The following CACNA2D1 variants were observed in gnomAD, a reference collection of about 807,000 sequenced individuals.
CACNA2D1 encodes the protein voltage-dependent calcium channel subunit alpha-2/delta-1.
In CACNA2D1, 53 loss-of-function variants were observed where a neutral mutation model predicts 171.5. The observed-to-expected ratio is 0.31, with a 90% confidence interval of 0.25 to 0.39. CACNA2D1 has a LOEUF of 0.39. CACNA2D1 is among the 10% of genes least tolerant of loss of function. The pLI, the probability that CACNA2D1 is intolerant of heterozygous loss-of-function variation, is 1.00. For synonymous variants in CACNA2D1, 442 were observed against 443.1 expected (o/e 1.00, Z 0.03); for missense variants, 903 against 1,299.8 (o/e 0.69, Z 4.69).
intron 1 of CACNA2D1, among the ~76,000 whole-genome samples, chr7:82,356,674 G>A (rs2129446710): frequency 6.6e-6 from 1 of 151,788 alleles, no homozygotes; most frequent in South Asian, 2.1e-4. Flanking sequence ...AAAAAAAATA[G>A]CTATCTTTAT....
At chr7:82,367,108 C>T (rs1346720999) in intron 1 of CACNA2D1, among the ~76,000 whole-genome samples, 1 of 151,628 alleles carries the variant, frequency 6.6e-6, no homozygotes, top group East Asian at 1.9e-4. Context: ...CAGGGCCTCA[C>T]CATGTTGCCC....
intron 2 of CACNA2D1, among the ~76,000 whole-genome samples, chr7:82,342,735 G>T (rs1162844536): frequency 6.6e-6 from 1 of 152,124 alleles, no homozygotes; most frequent in African/African-American, 2.4e-5. Context: ...CTACAGCCAC[G>T]TTTTGGAGGA....
At chr7:82,443,324 C>T (rs756984945) in intron 1 of CACNA2D1, 41 bp downstream of exon 1, 2 of 1,569,564 alleles carry the variant, frequency 1.3e-6, no homozygotes, top group Admixed American at 3.6e-5. Flanking sequence ...ACTCCCGCGG[C>T]GCCCCTCGGC....
chr7:82,428,935 T>C (rs1829433503), intron 1 of CACNA2D1, among the ~76,000 whole-genome samples: 1 of 152,180 alleles, frequency 6.6e-6, no homozygotes. Context: ...TAAGTATCTA[T>C]CAACTTAGCA....
At chr7:82,303,452 T>TAAAAA (rs573316819) in intron 3 of CACNA2D1, among the ~76,000 whole-genome samples, 1 of 122,378 alleles carries the variant, frequency 8.2e-6, no homozygotes, top group Non-Finnish European at 1.7e-5. Context: ...TGTATGTAAC[T>TAAAAA]AAAAAAAAAA....
rs184704938 is a variant in CACNA2D1, at chr7:82,258,856, G to A, written c.294+76279C>T. ...TTTTTTTTTGAGACAGTTTCGCTCCGTTGCACAGGCTGGAGTGAAGTGGCA... is the reference window on the plus strand; with the variant it reads ...TTTTTTTTTGAGACAGTTTCGCTCCATTGCACAGGCTGGAGTGAAGTGGCA... On this transcript the variant is annotated intron_variant, in intron 3 of 38. Transcript: ENST00000356860. 1.0e-3 allele frequency among the ~76,000 whole-genome samples: 94 copies of A among 89,776 alleles called. 1 individual carries two copies. The highest frequency in any genetic ancestry group is 3.5e-3 in the African/African-American group (82 of 23,304). The allele number at this position is 89,776 out of a possible 152,430, so 58.9% of individuals were successfully genotyped here.
intron 3 of CACNA2D1, among the ~76,000 whole-genome samples, chr7:82,284,243 T>A (rs1180352438): frequency 6.7e-6 from 1 of 149,710 alleles, no homozygotes; most frequent in East Asian, 2.0e-4. Flanking sequence ...AAAAGGTAAA[T>A]CTACACAAAT....
chr7:81,982,144 T>A (rs1796503292), intron 24 of CACNA2D1, among the ~76,000 whole-genome samples: 1 of 141,694 alleles, frequency 7.1e-6, no homozygotes, highest in South Asian at 2.3e-4. Context: ...ATTGCTTTTT[T>A]TTTTGAGATG....
At chr7:81,993,135 C>T (rs1349091994) in intron 20 of CACNA2D1, among the ~76,000 whole-genome samples, 4 of 152,070 alleles carry the variant, frequency 2.6e-5, no homozygotes, top group Admixed American at 1.3e-4. Flanking sequence ...TTATTCTATA[C>T]ACTTACAATT....
intron 10 of CACNA2D1, among the ~76,000 whole-genome samples, chr7:82,055,930 G>GTGTATATATATATATATATATATA (rs71093357): frequency 5.6e-4 from 62 of 111,438 alleles, no homozygotes; most frequent in East Asian, 2.8e-3. Context: ...GTGTGTGTGT[G>GTGTATATATATATATATATATATA]TATATATATA....
chr7:82,259,243 GA>G (rs1806763695), intron 3 of CACNA2D1, among the ~76,000 whole-genome samples: 1 of 152,088 alleles, frequency 6.6e-6, no homozygotes, highest in African/African-American at 2.4e-5. Flanking sequence ...CAGACAGACA[GA>G]CAGATATATA....
chr7:81,957,956 T>C (rs747398271), intron 38 of CACNA2D1, among the ~76,000 whole-genome samples: 1 of 152,124 alleles, frequency 6.6e-6, no homozygotes, highest in Non-Finnish European at 1.5e-5. Flanking sequence ...AAATAGTTGA[T>C]GAGCGAAGTT....
chr7:82,072,840 A>G (rs550151507), intron 7 of CACNA2D1, among the ~76,000 whole-genome samples: 1 of 152,278 alleles, frequency 6.6e-6, no homozygotes, highest in East Asian at 1.9e-4. Context: ...ATTACAGCTA[A>G]GACTTAATGA....
intron 4 of CACNA2D1, among the ~76,000 whole-genome samples, chr7:82,165,689 A>T (rs1584974300): frequency 6.6e-6 from 1 of 152,108 alleles, no homozygotes; most frequent in Non-Finnish European, 1.5e-5. Context: ...GCTTTGCATT[A>T]TGGCTTTTAA....
chr7:82,359,832 A>G (rs190759666), intron 1 of CACNA2D1, among the ~76,000 whole-genome samples: 1 of 152,304 alleles, frequency 6.6e-6, no homozygotes, highest in East Asian at 1.9e-4. Context: ...CACAGTTCTG[A>G]ACATACAGTG....
chr7:81,947,184 A>G lies in CACNA2D1; in HGVS notation c.*3208T>C, dbSNP rs1792109762. On this transcript the variant is annotated 3_prime_UTR_variant, in exon 39 of 39. Coordinates refer to ENST00000356860, the MANE Select transcript of CACNA2D1 (RefSeq NM_000722.4). Reference sequence around the variant, plus strand: ...ATTTAAATGAGATTTAAAATACAAGAGAGCATCAAATAAGCAAGTAACACT... The same window carrying G: ...ATTTAAATGAGATTTAAAATACAAGGGAGCATCAAATAAGCAAGTAACACT... 1 of 151,998 alleles carries G rather than the reference A, an allele frequency of 6.6e-6. No individual in the cohort carries two copies. Among genetic ancestry groups the G allele is most frequent in the African/African-American group, 2.4e-5 (1 of 41,436 alleles). 9.4% of individuals were successfully genotyped at this position (151,998 alleles called of 1,614,324 possible).
intron 3 of CACNA2D1, among the ~76,000 whole-genome samples, chr7:82,213,162 A>C (rs1166161215): frequency 2.6e-5 from 4 of 152,126 alleles, no homozygotes; most frequent in African/African-American, 9.7e-5. Context: ...TGGCCTCCCA[A>C]AATGCTGGGA....
chr7:82,008,680 T>C (rs368048160), intron 15 of CACNA2D1, among the ~76,000 whole-genome samples: 2 of 152,174 alleles, frequency 1.3e-5, no homozygotes, highest in East Asian at 1.9e-4. Flanking sequence ...TTCTCACGAA[T>C]AGTGATTCCA....
intron 6 of CACNA2D1, among the ~76,000 whole-genome samples, chr7:82,102,315 C>A (rs2129037234): frequency 6.6e-6 from 1 of 151,618 alleles, no homozygotes; most frequent in Admixed American, 6.6e-5. Flanking sequence ...AAAAAAAATC[C>A]TGAGAAGCAG....
Sources: gnomAD v4.1 joint callset for allele counts (sites outside exome capture counted in the v4.1 genomes callset) on GRCh38, gnomAD v4.1.1 for gene constraint, MANE v1.5 for transcripts, NCBI Gene and HGNC (gene_info 2026-07-23, HGNC 2026-07-21) for gene names.